Variants in TBCD observed in about 807,000 individuals in gnomAD.
The protein encoded by TBCD is tubulin-specific chaperone D.
Under a neutral mutation model 169.3 loss-of-function variants are expected in TBCD, and 105 were observed. That is an observed-to-expected ratio of 0.62 (90% CI 0.53 to 0.73). The LOEUF (loss-of-function observed/expected upper bound fraction) is 0.73. Among genes scored for constraint, TBCD ranks in the 30% least tolerant of loss-of-function variants. The pLI, the probability that TBCD is intolerant of heterozygous loss-of-function variation, is 0.00. For missense variants in TBCD, 1,444 were observed against 1,600.1 expected (o/e 0.90, Z 1.66); for synonymous variants, 700 against 643.9 (o/e 1.09, Z -1.32).
intron 14 of TBCD, among the ~76,000 whole-genome samples, chr17:82,871,966 G>A (rs892781909): frequency 6.6e-6 from 1 of 152,206 alleles, no homozygotes; most frequent in East Asian, 1.9e-4. Flanking sequence ...ACACGCTGGT[G>A]TAGGCTCCGA....
At chr17:82,794,213 G>GCTCA (rs1053012779) in intron 7 of TBCD, among the ~76,000 whole-genome samples, 3 of 152,352 alleles carry the variant, frequency 2.0e-5, no homozygotes, top group African/African-American at 7.2e-5. Flanking sequence ...CTCCCGAGTA[G>GCTCA]CTCGACAGCC....
chr17:82,925,952 T>G (rs2061714996), intron 27 of TBCD, among the ~76,000 whole-genome samples: 1 of 142,560 alleles, frequency 7.0e-6, no homozygotes, highest in Non-Finnish European at 1.5e-5. Context: ...CCTTCCTGGG[T>G]TGTACTGGGG....
intron 7 of TBCD, among the ~76,000 whole-genome samples, chr17:82,790,615 G>C (rs2049645438): frequency 6.6e-6 from 1 of 152,196 alleles, no homozygotes; most frequent in Non-Finnish European, 1.5e-5. Flanking sequence ...TCAGTGGCCA[G>C]CCCGTGGGAC....
At chr17:82,842,969 A>G (rs2054653990) in intron 13 of TBCD, among the ~76,000 whole-genome samples, 1 of 151,282 alleles carries the variant, frequency 6.6e-6, no homozygotes, top group Non-Finnish European at 1.5e-5. Flanking sequence ...TTTAGTAGAG[A>G]CGGGGTTTCA....
intron 13 of TBCD, among the ~76,000 whole-genome samples, chr17:82,850,053 GTTGGCTGTGCTGCTGTTGGCTGT>G (rs2055573158): frequency 6.5e-5 from 3 of 45,802 alleles, no homozygotes; most frequent in African/African-American, 2.1e-4. Context: ...CTGTGCTGTT[GTTGGCTGTGCTGCTGTTGGCTGT>G]GCTGTGCTGC....
At chr17:82,856,534 T>G (rs1382463235) in intron 13 of TBCD, among the ~76,000 whole-genome samples, 1 of 152,176 alleles carries the variant, frequency 6.6e-6, no homozygotes, top group Non-Finnish European at 1.5e-5. Context: ...CAGTGTTAGG[T>G]GTGGCCTTTC....
At position 82,864,066 on chromosome 17, in the gene TBCD, GGGC is replaced by G. The variant is rs1250812034; in HGVS notation, c.1319-6157_1319-6155del. Among the ~76,000 whole-genome samples the G allele has an allele frequency of 6.6e-5, 10 of 152,320 alleles. No homozygotes were observed. The highest frequency in any genetic ancestry group is 2.2e-4 in the African/African-American group (9 of 41,570). ...GGAACCTCCTAACCAGTGTTCTTAG[GGGC>G]TGTCTTACCAGTGAAGGGAGCTGCC... On this transcript the variant is annotated intron_variant, in intron 13 of 38. Transcript: ENST00000355528. This position sits in a 1 kb window ranked among gnomAD's most constrained non-coding sequence, Gnocchi z 6.3.
intron 7 of TBCD, among the ~76,000 whole-genome samples, chr17:82,787,678 C>T (rs2049414092): frequency 6.6e-6 from 1 of 152,210 alleles, no homozygotes; most frequent in Admixed American, 6.5e-5. Flanking sequence ...CATTGTCATC[C>T]ACCTGTTCAT....
At chr17:82,855,218 G>A (rs1243903508) in intron 13 of TBCD, among the ~76,000 whole-genome samples, 1 of 135,574 alleles carries the variant, frequency 7.4e-6, no homozygotes, top group Non-Finnish European at 1.6e-5. Context: ...TTCCAGAGGG[G>A]CAGGGAAAGG....
intron 23 of TBCD, among the ~76,000 whole-genome samples, chr17:82,917,017 TTCTTTTC>T: frequency 2.0e-5 from 1 of 49,062 alleles, no homozygotes; most frequent in Non-Finnish European, 4.0e-5. Flanking sequence ...TTTTTTTCTT[TTCTTTTC>T]TTTTTTTTTT....
Position 82,890,331 on chromosome 17 carries a change from G to A in TBCD, c.1563+634G>A, listed in dbSNP as rs1180595261. Among the ~76,000 whole-genome samples, 4 of 152,206 alleles carry A rather than the reference G, an allele frequency of 2.6e-5. No homozygotes were observed. Among genetic ancestry groups the A allele is most frequent in the African/African-American group, 9.6e-5 (4 of 41,456 alleles). ...GGGACCGGGGTCTGGGCTGGACCTGGGCGGGGAGCAAAGTTCCCACGAGAA... is the reference window on the plus strand; with the variant it reads ...GGGACCGGGGTCTGGGCTGGACCTGAGCGGGGAGCAAAGTTCCCACGAGAA... On this transcript the variant is annotated intron_variant, in intron 16 of 38. Coordinates refer to ENST00000355528, the MANE Select transcript of TBCD (RefSeq NM_005993.5). The surrounding 1 kb of genome is among the most constrained non-coding windows in gnomAD (Gnocchi z 5.3).
intron 13 of TBCD, among the ~76,000 whole-genome samples, chr17:82,826,696 G>A (rs2052879810): frequency 6.6e-6 from 1 of 152,150 alleles, no homozygotes; most frequent in African/African-American, 2.4e-5. Context: ...GATTATGGGT[G>A]TGTGCCACCA....
At chr17:82,825,849 C>T (rs1287415654) in intron 13 of TBCD, among the ~76,000 whole-genome samples, 1 of 152,208 alleles carries the variant, frequency 6.6e-6, no homozygotes, top group Admixed American at 6.5e-5. Context: ...TCTGTACTCC[C>T]AGCACTTTGG....
At chr17:82,818,576 G>A (rs1241779693) in intron 13 of TBCD, among the ~76,000 whole-genome samples, 1 of 152,156 alleles carries the variant, frequency 6.6e-6, no homozygotes, top group African/African-American at 2.4e-5. Flanking sequence ...TACCAGCCTG[G>A]ACATCATAGT....
chr17:82,926,669 T>C (rs143330553), intron 28 of TBCD, among the ~76,000 whole-genome samples, 178 bp downstream of exon 28: 75 of 152,358 alleles, frequency 4.9e-4, no homozygotes, highest in African/African-American at 1.7e-3. Flanking sequence ...CTTGCTGTCA[T>C]AGTCGTAGTG....
At chr17:82,851,030 G>A (rs1045635553) in intron 13 of TBCD, among the ~76,000 whole-genome samples, 3 of 152,192 alleles carry the variant, frequency 2.0e-5, no homozygotes, top group African/African-American at 4.8e-5. Flanking sequence ...GTAGCTAGCC[G>A]TTGGAGAATA....
rs1042171889 is a variant in TBCD at position 82,782,883 on chromosome 17, T to C, written c.771+1162T>C. Among the ~76,000 whole-genome samples the C allele has an allele frequency of 6.6e-6, 1 of 151,614 alleles. No homozygotes were observed. Among genetic ancestry groups the C allele is most frequent in the South Asian group, 2.1e-4 (1 of 4,736 alleles). On this transcript the variant is annotated intron_variant, in intron 7 of 38. Transcript: ENST00000355528. The surrounding 1 kb of genome is among the most constrained non-coding windows in gnomAD (Gnocchi z 5.1). ...CCTCATGTCCTCAGTGTTGTCTTCC[T>C]GTCCATGGCGTTGTCTTCCTGTCTG...
In TBCD at chr17:82,831,422, G is replaced by C; in HGVS notation, c.1318+16488G>C. ...GCTTCTTCAAGCAGGTGAGAGCTCT[G>C]ATCTCGGGTGAGGCCAGTGACAGGT... On this transcript the variant is annotated intron_variant, in intron 13 of 38. Coordinates refer to ENST00000355528, the MANE Select transcript of TBCD (RefSeq NM_005993.5). This position sits in a 1 kb window ranked among gnomAD's most constrained non-coding sequence, Gnocchi z 4.6. The C allele has an allele frequency of 1.5e-5, 24 of 1,614,208 alleles. No individual in the cohort carries two copies. The highest frequency in any genetic ancestry group is 2.0e-5 in the Non-Finnish European group (24 of 1,180,036).
At chr17:82,774,578 G>A (rs921843934) in intron 6 of TBCD, among the ~76,000 whole-genome samples, 3 of 152,144 alleles carry the variant, frequency 2.0e-5, no homozygotes, top group Admixed American at 6.5e-5. Context: ...CCTCCCAGAC[G>A]GGGTGGCAGC....
Sources: gnomAD v4.1 joint callset for allele counts (sites outside exome capture counted in the v4.1 genomes callset) on GRCh38, gnomAD v4.1.1 for gene constraint, Gnocchi (gnomAD v3.1) non-coding constraint, MANE v1.5 for transcripts, NCBI Gene and HGNC (gene_info 2026-07-23, HGNC 2026-07-21) for gene names.